The following SDK1 variants were observed in gnomAD, a reference collection of about 807,000 sequenced individuals.
The protein encoded by SDK1 is protein sidekick-1.
Under a neutral mutation model 245.5 loss-of-function variants are expected in SDK1, and 157 were observed. The observed-to-expected ratio is 0.64, with a 90% CI of 0.56 to 0.73. The LOEUF (loss-of-function observed/expected upper bound fraction) is 0.73. Ranked by LOEUF, SDK1 falls within the 30% of genes least tolerant of loss-of-function variation. SDK1 has a pLI of 0.00. For synonymous variants in SDK1, 1,647 were observed against 1,278.5 expected, an observed-to-expected ratio of 1.29 and a Z score of -6.15; for missense variants, 3,583 against 3,002.3, an observed-to-expected ratio of 1.19 and a Z score of -4.52.
chr7:3,476,081 T>C (rs1781340210), intron 1 of SDK1: 1 of 152,664 alleles, frequency 6.6e-6, no homozygotes, highest in Non-Finnish European at 1.5e-5. Flanking sequence ...TTAAAACCTA[T>C]TTTCAAACAA....
chr7:3,863,156 A>G lies in SDK1; in HGVS notation c.847+41573A>G, dbSNP rs138368522. Among the ~76,000 whole-genome samples, 1,189 of 152,202 alleles carry G rather than the reference A, an allele frequency of 7.8e-3. 18 individuals carry two copies. Among genetic ancestry groups the G allele is most frequent in the African/African-American group, 0.027 (1,115 of 41,532 alleles). On this transcript the variant is annotated intron_variant, in intron 5 of 44. Coordinates refer to ENST00000404826, the MANE Select transcript of SDK1 (RefSeq NM_152744.4). ...TGGTTCCTGTCCTCCTGAGCCATTC[A>G]CTTCTGTTCCAGGCTGGATTATCTA... is the stretch of plus-strand genomic sequence containing the variant.
chr7:3,357,504 G>A (rs558639190), intron 1 of SDK1, among the ~76,000 whole-genome samples: 4 of 151,150 alleles, frequency 2.6e-5, no homozygotes, highest in African/African-American at 4.9e-5. Flanking sequence ...TGCATGCCAC[G>A]ATACCTGGCT....
At chr7:3,745,918 C>G (rs543949020) in intron 4 of SDK1, among the ~76,000 whole-genome samples, 8 of 152,262 alleles carry the variant, frequency 5.3e-5, no homozygotes, top group African/African-American at 1.9e-4. Context: ...CACTCTGAAG[C>G]CTGCTATGTG....
chr7:3,470,274 T>C (rs1781139463), intron 1 of SDK1, among the ~76,000 whole-genome samples: 1 of 152,324 alleles, frequency 6.6e-6, no homozygotes, highest in Middle Eastern at 3.4e-3. Flanking sequence ...TCTGGGTTCA[T>C]ACTATTTACT....
At chr7:4,115,964 G>T (rs904154478) in intron 25 of SDK1, among the ~76,000 whole-genome samples, 11 of 152,230 alleles carry the variant, frequency 7.2e-5, no homozygotes, top group Admixed American at 3.3e-4. Flanking sequence ...TCAGCAGGAG[G>T]AGGCGGATGA....
Position 3,779,858 on chromosome 7 carries a change from G to A in SDK1, c.714-41592G>A. 1.3e-5 allele frequency among the ~76,000 whole-genome samples: 2 copies of A among 151,482 alleles called. 1 individual carries two copies. The highest frequency in any genetic ancestry group is 3.9e-4 in the East Asian group (2 of 5,138). On this transcript the variant is annotated intron_variant, in intron 4 of 44. Transcript: ENST00000404826. ...GAGGCAGGAGAATGGCGTGAACCCG[G>A]GAAGCGGAGCTTGCAGTGAGCCGAG...
rs1583729824 is a variant in SDK1 at position 3,353,883 on chromosome 7, G to A, written c.298+51999G>A. 3.1e-5 allele frequency among the ~76,000 whole-genome samples: 3 copies of A among 97,340 alleles called. No individual in the cohort carries two copies. The South Asian group carries it at 8.4e-4, about 27-fold the overall frequency. 63.9% of individuals were successfully genotyped at this position (97,340 alleles called of 152,430 possible). A position where few individuals can be genotyped will look rare whatever the true frequency, so the allele number is the denominator to read the frequency against. On this transcript the variant is annotated intron_variant, in intron 1 of 44. Transcript: ENST00000404826. ...GCAGATGCTTTCTGTACGTCTTCAC[G>A]TCCTCCTCATCCATGAGGTTGGAGG...
intron 1 of SDK1, among the ~76,000 whole-genome samples, chr7:3,327,356 G>A (rs1256852229): frequency 6.6e-6 from 1 of 152,098 alleles, no homozygotes; most frequent in Non-Finnish European, 1.5e-5. Context: ...TGCTAATTAA[G>A]TAGCAATAAA....
intron 4 of SDK1, among the ~76,000 whole-genome samples, chr7:3,756,181 A>G (rs1314457437): frequency 7.6e-6 from 1 of 131,930 alleles, no homozygotes; most frequent in Non-Finnish European, 1.6e-5. Flanking sequence ...GATGTTTTGA[A>G]CCTGACTCCT....
At chr7:3,609,493 C>T (rs534432612) in intron 1 of SDK1, among the ~76,000 whole-genome samples, 14 of 152,138 alleles carry the variant, frequency 9.2e-5, no homozygotes, top group South Asian at 4.2e-4. Context: ...CTCTGCTTCC[C>T]GGTTTCAAAC....
At chr7:3,358,330 T>G (rs922420743) in intron 1 of SDK1, among the ~76,000 whole-genome samples, 1 of 152,184 alleles carries the variant, frequency 6.6e-6, no homozygotes, top group Non-Finnish European at 1.5e-5. Flanking sequence ...CCCTCATTCA[T>G]TTCTTGTACT....
At position 4,268,109 on chromosome 7, in the gene SDK1, T is replaced by A. The variant is rs1423576868; in HGVS notation, c.*2725T>A. ...CAGGCTAGATGGAATGTGCTCCCGCTCTCTCCTGCCGTGCTGAAAGTCATG... is the reference window on the plus strand; with the variant it reads ...CAGGCTAGATGGAATGTGCTCCCGCACTCTCCTGCCGTGCTGAAAGTCATG... On this transcript the variant is annotated 3_prime_UTR_variant, in exon 45 of 45. Transcript: ENST00000404826. 1.0e-6 allele frequency: 1 copy of A among 985,482 alleles called. No individual in the cohort carries two copies. 61.0% of individuals were successfully genotyped at this position (985,482 alleles called of 1,614,324 possible). A position where few individuals can be genotyped will look rare whatever the true frequency, so the allele number is the denominator to read the frequency against.
chr7:3,839,000 T>C (rs1350231083), intron 5 of SDK1, among the ~76,000 whole-genome samples: 1 of 152,124 alleles, frequency 6.6e-6, no homozygotes, highest in Admixed American at 6.5e-5. Flanking sequence ...AAATAGATGG[T>C]GTTCATCTAG....
intron 22 of SDK1, among the ~76,000 whole-genome samples, chr7:4,109,732 C>T (rs1173876329): frequency 2.6e-5 from 4 of 152,184 alleles, no homozygotes; most frequent in Admixed American, 6.5e-5. Flanking sequence ...TGTGTGGCAC[C>T]ATCAAGGGGG....
intron 5 of SDK1, among the ~76,000 whole-genome samples, chr7:3,933,332 C>G (rs898882891): frequency 3.9e-5 from 6 of 152,016 alleles, no homozygotes; most frequent in Admixed American, 1.3e-4. Context: ...TGGCTGGTCT[C>G]AAACTTCTGG....
chr7:3,630,775 G>C (rs974659704), intron 2 of SDK1, among the ~76,000 whole-genome samples: 1 of 151,924 alleles, frequency 6.6e-6, no homozygotes, highest in Admixed American at 6.6e-5. Flanking sequence ...TCAATGGGCA[G>C]ATACACTGTG....
At chr7:3,492,280 CAG>C (rs1485830938) in intron 1 of SDK1, among the ~76,000 whole-genome samples, 1 of 152,106 alleles carries the variant, frequency 6.6e-6, no homozygotes, top group Non-Finnish European at 1.5e-5. Context: ...AGAAGCCTGA[CAG>C]AGTAGATCGA....
At chr7:3,950,863 A>G (rs1780781453) in intron 5 of SDK1, 60 bp from the exon 6 acceptor site, 1 of 1,302,776 alleles carries the variant, frequency 7.7e-7, no homozygotes, top group East Asian at 2.5e-5. Context: ...CCCTCAGATA[A>G]CGGCGGGGGG....
intron 5 of SDK1, among the ~76,000 whole-genome samples, chr7:3,838,266 A>G (rs535796001): frequency 2.6e-4 from 40 of 152,350 alleles, no homozygotes; most frequent in African/African-American, 2.6e-4. Flanking sequence ...AGGGAAGTCA[A>G]GGGTGAGATG....
Sources: allele counts gnomAD v4.1 joint callset (sites outside exome capture counted in the v4.1 genomes callset), GRCh38; gene constraint gnomAD v4.1.1; transcripts MANE v1.5; gene names NCBI Gene and HGNC (gene_info 2026-07-23, HGNC 2026-07-21).